Variants in ACSS3 observed in about 807,000 individuals in gnomAD.
ACSS3 encodes the protein acyl-CoA synthetase short chain family member 3, also known as acyl-CoA synthetase short-chain family member 3, mitochondrial.
In ACSS3, 64 loss-of-function variants were observed where a neutral mutation model predicts 84.2. The ratio of observed to expected loss-of-function variants is 0.76; its 90% CI spans 0.62 to 0.94. The LOEUF is 0.94. ACSS3 is among the 40% of genes least tolerant of loss of function. The pLI, the probability that ACSS3 is intolerant of heterozygous loss-of-function variation, is 0.00. For synonymous variants in ACSS3, 317 were observed against 310.1 expected (o/e 1.02, Z -0.23); for missense variants, 815 against 867.6 (o/e 0.94, Z 0.76).
At chr12:81,222,270 A>G (rs1013436545) in intron 11 of ACSS3, among the ~76,000 whole-genome samples, 1 of 152,124 alleles carries the variant, frequency 6.6e-6, no homozygotes, top group Non-Finnish European at 1.5e-5. Flanking sequence ...TTAGGTTAAC[A>G]GTGAAACTAG....
At chr12:81,125,075 G>A (rs1333707229) in intron 2 of ACSS3, among the ~76,000 whole-genome samples, 1 of 152,138 alleles carries the variant, frequency 6.6e-6, no homozygotes, top group East Asian at 1.9e-4. Flanking sequence ...TTAGCCGGGC[G>A]TGGTGGTGGG....
chr12:81,143,037 T>A, intron 4 of ACSS3, 70 bp from the exon 5 acceptor site: 2 of 1,374,872 alleles, frequency 1.5e-6, no homozygotes, highest in Admixed American at 2.2e-5. Context: ...TTAAATAGAT[T>A]TAGCTACTTT....
intron 11 of ACSS3, among the ~76,000 whole-genome samples, chr12:81,230,310 A>C (rs2033415493): frequency 6.6e-6 from 1 of 151,882 alleles, no homozygotes; most frequent in East Asian, 1.9e-4. Flanking sequence ...AATTTCATTT[A>C]TTTATGTAAA....
intron 7 of ACSS3, among the ~76,000 whole-genome samples, chr12:81,161,443 C>G (rs974557496): frequency 2.0e-5 from 3 of 152,182 alleles, no homozygotes; most frequent in Admixed American, 2.0e-4. Context: ...CTCACCATTA[C>G]CAAGCATTTT....
At chr12:81,229,997 C>T (rs527954655) in intron 11 of ACSS3, among the ~76,000 whole-genome samples, 26 of 151,960 alleles carry the variant, frequency 1.7e-4, no homozygotes, top group Admixed American at 1.0e-3. Flanking sequence ...TGTGACCACA[C>T]TGCTTTCTTT....
chr12:81,199,238 C>T, intron 8 of ACSS3, 103 bp from the exon 9 acceptor site: 1 of 970,498 alleles, frequency 1.0e-6, no homozygotes. Context: ...TTGCTGTATT[C>T]CTCTGACATA....
At chr12:81,200,663 G>C (rs143820647) in intron 9 of ACSS3, among the ~76,000 whole-genome samples, 2 of 152,158 alleles carry the variant, frequency 1.3e-5, no homozygotes, top group South Asian at 4.1e-4. Context: ...GCAAAAACAG[G>C]CAGATCACTT....
intron 1 of ACSS3, among the ~76,000 whole-genome samples, chr12:81,090,874 C>CA (rs1052898969): frequency 2.6e-5 from 4 of 151,962 alleles, no homozygotes; most frequent in Non-Finnish European, 4.4e-5. Context: ...CTGCAGATAC[C>CA]AAAATCTGCA....
At chr12:81,207,173 G>A (rs1324329542) in intron 9 of ACSS3, among the ~76,000 whole-genome samples, 1 of 152,104 alleles carries the variant, frequency 6.6e-6, no homozygotes, top group Non-Finnish European at 1.5e-5. Context: ...TTGAAAATAT[G>A]TCATGTTTTT....
intron 5 of ACSS3, among the ~76,000 whole-genome samples, chr12:81,149,788 C>T (rs1245200670): frequency 6.6e-6 from 1 of 152,064 alleles, no homozygotes; most frequent in Non-Finnish European, 1.5e-5. Flanking sequence ...ACATTTATGC[C>T]TTTTGACTGA....
At chr12:81,199,296 G>T (rs1025337562) in intron 8 of ACSS3, 45 bp from the exon 9 acceptor site, 2 of 1,518,846 alleles carry the variant, frequency 1.3e-6, no homozygotes, top group African/African-American at 2.8e-5. Context: ...CAATTATTTA[G>T]ATTTATTTTC....
intron 8 of ACSS3, among the ~76,000 whole-genome samples, chr12:81,191,266 G>A (rs996355850): frequency 6.6e-6 from 1 of 151,930 alleles, no homozygotes; most frequent in Non-Finnish European, 1.5e-5. Flanking sequence ...ATTGTGACAT[G>A]TATCCATCAT....
chr12:81,191,912 A>G (rs1477047556), intron 8 of ACSS3, among the ~76,000 whole-genome samples: 1 of 152,146 alleles, frequency 6.6e-6, no homozygotes, highest in Non-Finnish European at 1.5e-5. Context: ...ATTCTTTATT[A>G]TAATTTCCAG....
chr12:81,136,827 G>A (rs1202426109), intron 3 of ACSS3, among the ~76,000 whole-genome samples: 2 of 152,134 alleles, frequency 1.3e-5, no homozygotes, highest in African/African-American at 4.8e-5. Context: ...TGGGAGTGAA[G>A]CTGGAAGCTG....
At position 81,143,209 on chromosome 12, in the gene ACSS3, T is replaced by C. The variant is rs1348864615; in HGVS notation, c.883T>C (p.Tyr295His). Residue 295 changes from tyrosine to histidine, a missense_variant, in exon 5 of 16, where the codon TAT (tyrosine) becomes CAT (histidine). Transcript: ENST00000548058. ...TCCTGTTCTTTCAGAACACCCACTG[T>C]ATATTCTTTACACATCTGGCACAAC... The part of the protein sequence containing the change: ...CVPVLSEHPL[Y>H]ILYTSGTTGL... 1.2e-6 allele frequency: 2 copies of C among 1,611,772 alleles called. No homozygotes were observed. Among genetic ancestry groups the C allele is most frequent in the East Asian group, 2.2e-5 (1 of 44,844 alleles).
intron 9 of ACSS3, among the ~76,000 whole-genome samples, chr12:81,215,464 C>A (rs1392920653): frequency 6.6e-6 from 1 of 152,106 alleles, no homozygotes; most frequent in Non-Finnish European, 1.5e-5. Flanking sequence ...ATAAAATGAA[C>A]TACTCTGGAA....
chr12:81,126,975 T>C (rs953801022), intron 2 of ACSS3, among the ~76,000 whole-genome samples: 2 of 151,802 alleles, frequency 1.3e-5, no homozygotes, highest in African/African-American at 4.8e-5. Context: ...TAATTGTTCT[T>C]GAAAAATTTA....
intron 13 of ACSS3, among the ~76,000 whole-genome samples, chr12:81,245,844 T>C (rs924915304): frequency 5.9e-5 from 9 of 152,180 alleles, no homozygotes; most frequent in African/African-American, 1.9e-4. Context: ...AATGGAGTGG[T>C]GAATTCGAAG....
At chr12:81,140,022 A>G (rs917385038) in intron 4 of ACSS3, among the ~76,000 whole-genome samples, 2 of 152,192 alleles carry the variant, frequency 1.3e-5, no homozygotes, top group African/African-American at 4.8e-5. Context: ...GAACATGGAG[A>G]TAAAGTAACT....
Sources: allele counts gnomAD v4.1 joint callset (sites outside exome capture counted in the v4.1 genomes callset), GRCh38; gene constraint gnomAD v4.1.1; transcripts MANE v1.5; gene names NCBI Gene and HGNC (gene_info 2026-07-23, HGNC 2026-07-21).